Variants in CNTN5 observed in about 807,000 individuals in gnomAD.
The protein encoded by CNTN5 is contactin-5.
In CNTN5, 77 loss-of-function variants were observed where a neutral mutation model predicts 129.1. The observed-to-expected ratio is 0.60, with a 90% CI of 0.50 to 0.72. The LOEUF (loss-of-function observed/expected upper bound fraction) is 0.72. Ranked by LOEUF, CNTN5 falls within the 30% of genes least tolerant of loss-of-function variation. CNTN5 has a pLI of 0.00. For synonymous variants in CNTN5, 509 were observed against 465.6 expected, an observed-to-expected ratio of 1.09 and a Z score of -1.20; for missense variants, 1,478 against 1,328.8, an observed-to-expected ratio of 1.11 and a Z score of -1.75.
intron 3 of CNTN5, among the ~76,000 whole-genome samples, chr11:99,816,597 AT>A (rs1946594216): frequency 6.6e-6 from 1 of 152,146 alleles, no homozygotes; most frequent in South Asian, 2.1e-4. Context: ...TCCCATACGT[AT>A]TATCTCCCCA....
chr11:99,179,840 T>C (rs144377962), intron 1 of CNTN5, among the ~76,000 whole-genome samples: 3 of 152,338 alleles, frequency 2.0e-5, no homozygotes, highest in East Asian at 1.9e-4. Context: ...TTCCTGTGTA[T>C]GTGTGTGTTG....
intron 3 of CNTN5, among the ~76,000 whole-genome samples, chr11:99,671,978 T>G (rs1293014822): frequency 2.0e-5 from 3 of 152,176 alleles, no homozygotes; most frequent in African/African-American, 7.2e-5. Context: ...AAATGTTACT[T>G]TCCTTGTAAT....
chr11:99,990,843 A>C (rs1277631179), intron 8 of CNTN5, among the ~76,000 whole-genome samples: 1 of 152,186 alleles, frequency 6.6e-6, no homozygotes, highest in Non-Finnish European at 1.5e-5. Context: ...ATAATATATA[A>C]TCTAACGTAC....
intron 21 of CNTN5, among the ~76,000 whole-genome samples, chr11:100,323,644 C>CT (rs34611113): frequency 0.3 from 45,530 of 151,836 alleles, 8,187 homozygotes; most frequent in East Asian, 0.61. Flanking sequence ...CCTCCCCCCC[C>CT]CTTCTTTTCA....
chr11:99,481,097 G>A (rs1158686), intron 2 of CNTN5, among the ~76,000 whole-genome samples: 37,493 of 151,490 alleles, frequency 0.25, 4,945 homozygotes, highest in Non-Finnish European at 0.3. Context: ...CAGAGGATTG[G>A]CATTTAAAAA....
At chr11:100,201,915 A>C (rs1234125939) in intron 15 of CNTN5, among the ~76,000 whole-genome samples, 1 of 151,994 alleles carries the variant, frequency 6.6e-6, no homozygotes, top group Non-Finnish European at 1.5e-5. Context: ...CTCATGCTCA[A>C]TGCATAGAGA....
intron 1 of CNTN5, among the ~76,000 whole-genome samples, chr11:99,109,063 A>G (rs962192448): frequency 7.2e-5 from 11 of 151,804 alleles, no homozygotes; most frequent in East Asian, 3.9e-4. Flanking sequence ...ACATATACAC[A>G]TAGTGTATGT....
intron 8 of CNTN5, among the ~76,000 whole-genome samples, chr11:99,988,057 T>C (rs1213368482): frequency 2.0e-5 from 3 of 152,192 alleles, no homozygotes; most frequent in Non-Finnish European, 4.4e-5. Flanking sequence ...GCATTCCCCC[T>C]CTGAAAACAT....
chr11:100,238,753 G>C (rs1041932105), intron 16 of CNTN5, among the ~76,000 whole-genome samples: 4 of 152,050 alleles, frequency 2.6e-5, no homozygotes, highest in African/African-American at 4.8e-5. Flanking sequence ...TTAAATAGCT[G>C]AACCATTGTT....
chr11:100,275,728 T>C (rs968699360), intron 18 of CNTN5, among the ~76,000 whole-genome samples: 4 of 152,210 alleles, frequency 2.6e-5, no homozygotes, highest in African/African-American at 7.2e-5. Context: ...CTTTAGTCCA[T>C]TAAAATCTTA....
At chr11:99,527,575 A>G (rs1163819247) in intron 2 of CNTN5, among the ~76,000 whole-genome samples, 1 of 152,108 alleles carries the variant, frequency 6.6e-6, no homozygotes, top group Non-Finnish European at 1.5e-5. Context: ...CTTTTTCTGC[A>G]TTTCCTACAA....
chr11:99,349,699 G>A (rs1023351598), intron 2 of CNTN5, among the ~76,000 whole-genome samples: 4 of 152,084 alleles, frequency 2.6e-5, no homozygotes, highest in Non-Finnish European at 5.9e-5. Flanking sequence ...TTTAAAGGGA[G>A]TTAAATAAAA....
intron 21 of CNTN5, among the ~76,000 whole-genome samples, chr11:100,326,271 A>C (rs2138974335): frequency 6.6e-6 from 1 of 152,350 alleles, no homozygotes; most frequent in Admixed American, 6.5e-5. Flanking sequence ...CATAATAGGT[A>C]TCTGCGAAGA....
At chr11:99,235,612 T>C (rs543530265) in intron 1 of CNTN5, among the ~76,000 whole-genome samples, 7 of 152,340 alleles carry the variant, frequency 4.6e-5, no homozygotes, top group African/African-American at 1.7e-4. Flanking sequence ...CTATTTCTTA[T>C]AGCAGTCATC....
At chr11:100,235,861 AG>A (rs1299807549) in intron 16 of CNTN5, among the ~76,000 whole-genome samples, 1 of 151,960 alleles carries the variant, frequency 6.6e-6, no homozygotes, top group African/African-American at 2.4e-5. Flanking sequence ...TCGTTTTTTG[AG>A]GGTTCCGTCA....
intron 2 of CNTN5, among the ~76,000 whole-genome samples, chr11:99,389,957 A>G (rs1941168725): frequency 6.6e-6 from 1 of 152,160 alleles, no homozygotes; most frequent in Admixed American, 6.6e-5. Flanking sequence ...CTAGTTTATC[A>G]TTCTCAACTC....
chr11:99,972,370 C>T (rs1015791378), intron 8 of CNTN5, among the ~76,000 whole-genome samples: 9 of 152,234 alleles, frequency 5.9e-5, no homozygotes, highest in Non-Finnish European at 7.4e-5. Flanking sequence ...CCTTTTTTCA[C>T]TCCAGAATTG....
rs76798512 is a variant in CNTN5 at position 99,584,146 on chromosome 11, A to G, written c.55+27877A>G. On this transcript the variant is annotated intron_variant, in intron 3 of 24. Transcript: ENST00000524871. ...CTGGGTTCTTCAAACTAATTTTTCA[A>G]TTTGAAAGTATTAACTTTAAAATTG... is the stretch of plus-strand genomic sequence containing the variant. Among the ~76,000 whole-genome samples the G allele has an allele frequency of 3.3e-3, 502 of 152,320 alleles. 2 individuals carry two copies. Among genetic ancestry groups the G allele is most frequent in the African/African-American group, 0.011 (475 of 41,568 alleles).
chr11:99,546,143 T>G (rs1948283587), intron 2 of CNTN5, among the ~76,000 whole-genome samples: 1 of 152,214 alleles, frequency 6.6e-6, no homozygotes, highest in African/African-American at 2.4e-5. Flanking sequence ...TCTCTTTGTC[T>G]TCTCTGTAAT....
Sources: gnomAD v4.1 joint callset for allele counts (sites outside exome capture counted in the v4.1 genomes callset) on GRCh38, gnomAD v4.1.1 for gene constraint, MANE v1.5 for transcripts, NCBI Gene and HGNC (gene_info 2026-07-23, HGNC 2026-07-21) for gene names.